Variants in TMEM108 observed in about 807,000 individuals in gnomAD.
TMEM108 encodes cancer/testis antigen 124.
TMEM108 carries 12 observed loss-of-function variants against 35.1 expected under a neutral mutation model. The observed-to-expected ratio is 0.34, with a 90% CI of 0.22 to 0.55. The LOEUF (loss-of-function observed/expected upper bound fraction) is 0.55. Among genes scored for constraint, TMEM108 ranks in the 20% least tolerant of loss-of-function variants. The probability of loss-of-function intolerance (pLI) is 0.89; values close to 1 mark genes in which losing one functional copy is unlikely to be tolerated. For synonymous variants in TMEM108, 287 were observed against 308.6 expected, an observed-to-expected ratio of 0.93 and a Z score of 0.73; for missense variants, 680 against 753.3, an observed-to-expected ratio of 0.90 and a Z score of 1.14.
intron 3 of TMEM108, among the ~76,000 whole-genome samples, chr3:133,363,863 C>CA: frequency 6.6e-6 from 1 of 152,142 alleles, no homozygotes. Context: ...GTAATCAATA[C>CA]AAAAATTAAT....
chr3:133,206,520 C>T (rs1049197412), intron 2 of TMEM108, among the ~76,000 whole-genome samples: 6 of 152,148 alleles, frequency 3.9e-5, no homozygotes, highest in Non-Finnish European at 7.3e-5. Context: ...GATGCTATTC[C>T]TTTCCGTTTG....
In TMEM108 at chr3:133,157,834, G is replaced by T. The variant is rs191374207; in HGVS notation, c.-46-71432G>T. ...CTGTTGAATATAGCTCTCTCAGGGT[G>T]TGTGTAAGCCAGGGGAATGAGCTCC... On this transcript the variant is annotated intron_variant, in intron 2 of 5. Coordinates refer to ENST00000321871, the MANE Select transcript of TMEM108 (RefSeq NM_023943.4). 6.2e-4 allele frequency among the ~76,000 whole-genome samples: 94 copies of T among 152,314 alleles called. 2 individuals are homozygous for T. The East Asian group carries it at 0.018, about 28-fold the overall frequency.
intron 2 of TMEM108, among the ~76,000 whole-genome samples, chr3:133,109,015 A>T (rs534247000): frequency 6.6e-6 from 1 of 152,266 alleles, no homozygotes; most frequent in East Asian, 1.9e-4. Flanking sequence ...GTTCGTGAAG[A>T]TGACCTTTCT....
At chr3:133,118,293 C>T (rs1283902427) in intron 2 of TMEM108, among the ~76,000 whole-genome samples, 6 of 152,064 alleles carry the variant, frequency 3.9e-5, no homozygotes, top group Non-Finnish European at 5.9e-5. Flanking sequence ...TAAGATTTTC[C>T]AGTCCTGAGA....
At chr3:133,355,189 G>A (rs1052535770) in intron 3 of TMEM108, among the ~76,000 whole-genome samples, 21 of 152,276 alleles carry the variant, frequency 1.4e-4, no homozygotes, top group African/African-American at 5.1e-4. Flanking sequence ...ACAACATGCT[G>A]CTTTGAGGCC....
chr3:133,088,621 A>C (rs1273654238), intron 2 of TMEM108, among the ~76,000 whole-genome samples: 1 of 152,210 alleles, frequency 6.6e-6, no homozygotes, highest in Non-Finnish European at 1.5e-5. Flanking sequence ...GGTGCTAAGC[A>C]GTATATTCAC....
chr3:133,354,992 C>T (rs2072118576), intron 3 of TMEM108, among the ~76,000 whole-genome samples: 1 of 151,954 alleles, frequency 6.6e-6, no homozygotes, highest in Non-Finnish European at 1.5e-5. Flanking sequence ...CCTTTTTGAA[C>T]TCATGGGAGG....
intron 2 of TMEM108, among the ~76,000 whole-genome samples, chr3:133,216,724 A>G (rs934567556): frequency 6.6e-6 from 1 of 151,938 alleles, no homozygotes; most frequent in African/African-American, 2.4e-5. Context: ...TTCACTTACT[A>G]TCTTCCAAGT....
chr3:133,251,696 CT>C (rs755439406), intron 3 of TMEM108, among the ~76,000 whole-genome samples: 7 of 152,062 alleles, frequency 4.6e-5, no homozygotes, highest in Non-Finnish European at 1.0e-4. Flanking sequence ...ATTTTTGCTC[CT>C]ATCCCACTGT....
chr3:133,199,301 T>C (rs1057188625), intron 2 of TMEM108, among the ~76,000 whole-genome samples: 6 of 152,252 alleles, frequency 3.9e-5, no homozygotes, highest in African/African-American at 1.4e-4. Context: ...AAAGTCATTC[T>C]CTGTCCAGCT....
At chr3:133,127,155 A>G (rs537816729) in intron 2 of TMEM108, among the ~76,000 whole-genome samples, 1 of 152,354 alleles carries the variant, frequency 6.6e-6, no homozygotes, top group African/African-American at 2.4e-5. Context: ...CTTACAGTAG[A>G]AAAAGTAGAT....
Position 133,049,037 on chromosome 3 carries a change from C to G in TMEM108, c.-47+3017C>G, listed in dbSNP as rs182261261. ...GTGTTTTAACAAGACTCCCAGTGATCCTGATGGATGCTAAAATTTGAGAAG... is the reference window on the plus strand; with the variant it reads ...GTGTTTTAACAAGACTCCCAGTGATGCTGATGGATGCTAAAATTTGAGAAG... On this transcript the variant is annotated intron_variant, in intron 2 of 5. Transcript: ENST00000321871. Among the ~76,000 whole-genome samples, 301 of 152,254 alleles carry G rather than the reference C, an allele frequency of 2.0e-3. 1 individual carries two copies. The highest frequency in any genetic ancestry group is 6.9e-3 in the African/African-American group (287 of 41,558).
At chr3:133,174,040 C>T (rs377407258) in intron 2 of TMEM108, among the ~76,000 whole-genome samples, 1 of 152,242 alleles carries the variant, frequency 6.6e-6, no homozygotes, top group Non-Finnish European at 1.5e-5. Context: ...TATCCCGCTC[C>T]TGGCTCAGAG....
chr3:133,069,467 G>A (rs1474980754), intron 2 of TMEM108, among the ~76,000 whole-genome samples: 1 of 152,120 alleles, frequency 6.6e-6, no homozygotes, highest in Non-Finnish European at 1.5e-5. Context: ...AATGGTGGAG[G>A]CAGCATGCAT....
At chr3:133,073,445 G>A (rs1288100086) in intron 2 of TMEM108, among the ~76,000 whole-genome samples, 1 of 129,540 alleles carries the variant, frequency 7.7e-6, no homozygotes, top group African/African-American at 2.9e-5. Context: ...CAAATGACAG[G>A]ATTCTCTTTT....
intron 2 of TMEM108, among the ~76,000 whole-genome samples, chr3:133,057,036 T>A (rs1261351650): frequency 2.0e-5 from 3 of 152,206 alleles, no homozygotes; most frequent in Non-Finnish European, 4.4e-5. Flanking sequence ...AAGTAGACTC[T>A]GCCCCATATT....
chr3:133,271,742 G>C (rs1258870963), intron 3 of TMEM108, among the ~76,000 whole-genome samples: 1 of 152,106 alleles, frequency 6.6e-6, no homozygotes, highest in Non-Finnish European at 1.5e-5. Flanking sequence ...AAACTGTCAT[G>C]AGCCAGCCCC....
rs151191244 is a variant in TMEM108 at position 133,111,616 on chromosome 3, G to A, written c.-47+65596G>A. On this transcript the variant is annotated intron_variant, in intron 2 of 5. Coordinates refer to ENST00000321871, the MANE Select transcript of TMEM108 (RefSeq NM_023943.4). ...CATTGCTTCATTTTTAATATTTTGC[G>A]TGCATTTTATCATACTATATAATAT... Among the ~76,000 whole-genome samples, 151 of 151,880 alleles carry A rather than the reference G, an allele frequency of 9.9e-4. 1 individual carries two copies. Among genetic ancestry groups the A allele is most frequent in the African/African-American group, 3.5e-3 (143 of 41,410 alleles).
At position 133,396,027 on chromosome 3, in the gene TMEM108, CTAAATTA is replaced by C; in HGVS notation, c.*47_*53del. The C allele has an allele frequency of 6.9e-7, 1 of 1,458,166 alleles. No homozygotes were observed. Among genetic ancestry groups the C allele is most frequent in the Non-Finnish European group, 9.1e-7 (1 of 1,099,070 alleles). The allele number at this position is 1,458,166 out of a possible 1,614,324, so 90.3% of individuals were successfully genotyped here. A position where few individuals can be genotyped will look rare whatever the true frequency, so the allele number is the denominator to read the frequency against. On this transcript the variant is annotated 3_prime_UTR_variant, in exon 6 of 6. Transcript: ENST00000321871. ...CTTTGCCATTCCGTATTTTTCGTCT[CTAAATTA>C]TAAATATACAAATACATATATTATA...
Sources: gnomAD v4.1 joint callset for allele counts (sites outside exome capture counted in the v4.1 genomes callset) on GRCh38, gnomAD v4.1.1 for gene constraint, MANE v1.5 for transcripts, NCBI Gene and HGNC (gene_info 2026-07-23, HGNC 2026-07-21) for gene names.